The following IDUA variants were observed in gnomAD, a reference collection of about 807,000 sequenced individuals.
IDUA encodes alpha-L-iduronidase.
In IDUA, 65 loss-of-function variants were observed where a neutral mutation model predicts 68.9. The observed-to-expected ratio is 0.94, with a 90% CI of 0.77 to 1.16. The LOEUF (loss-of-function observed/expected upper bound fraction) is 1.16, where lower values mean the gene tolerates loss of function less well. Ranked by LOEUF, IDUA falls within the 50% of genes most tolerant of loss-of-function variation. The pLI, the probability that IDUA is intolerant of heterozygous loss-of-function variation, is 0.00. For missense variants in IDUA, 1,046 were observed against 938.0 expected (o/e 1.12, Z -1.50); for synonymous variants, 529 against 433.6 (o/e 1.22, Z -2.73).
At chr4:990,491 G>A (rs1029512954) in intron 2 of IDUA, 1 of 944,014 alleles carries the variant, frequency 1.1e-6, no homozygotes, top group Non-Finnish European at 1.5e-6. Flanking sequence ...GCGGCCCCGT[G>A]TGTTCCAAAC....
chr4:1,004,452 A>C lies in IDUA; in HGVS notation c.*59A>C, dbSNP rs733349. 2.4e-5 allele frequency: 37 copies of C among 1,571,704 alleles called. No individual in the cohort carries two copies. The highest frequency in any genetic ancestry group is 2.2e-4 in the African/African-American group (16 of 74,310). On this transcript the variant is annotated 3_prime_UTR_variant, in exon 14 of 14. Coordinates refer to ENST00000514224, the MANE Select transcript of IDUA (RefSeq NM_000203.5). This position sits in a 1 kb window ranked among gnomAD's most constrained non-coding sequence, Gnocchi z 5.0. ...CCGGCAGTCAGCGAGCTGGGGCTGCACTGTGCCCATGCTGCCCTCCCATCA... is the reference window on the plus strand; with the variant it reads ...CCGGCAGTCAGCGAGCTGGGGCTGCCCTGTGCCCATGCTGCCCTCCCATCA...
At chr4:1,002,587 G>T (rs558808239) in intron 8 of IDUA, 102 bp downstream of exon 8, 1 of 1,240,580 alleles carries the variant, frequency 8.1e-7, no homozygotes. Context: ...CCAGCCGCGC[G>T]CTTCCCGGGG....
Position 987,857 on chromosome 4 carries a change from C to T in IDUA, c.207C>T (p.Asp69=). ...SQADQYVLSW[D]QQLNLAYVGA... The stretch of plus-strand genomic sequence containing the variant: ...CTGACCAGTACGTCCTCAGCTGGGA[C>T]CAGCAGCTCAACCTCGCCTATGTGG... The change falls in exon 2 of 14, where the codon GAC becomes GAT. Residue 69 remains aspartate (D), a synonymous_variant. Coordinates refer to ENST00000514224, the MANE Select transcript of IDUA (RefSeq NM_000203.5). The T allele has an allele frequency of 1.2e-6, 2 of 1,612,476 alleles. No homozygotes were observed. The highest frequency in any genetic ancestry group is 1.7e-6 in the Non-Finnish European group (2 of 1,179,858).
chr4:999,234 C>T (rs1381748583), intron 2 of IDUA, among the ~76,000 whole-genome samples: 1 of 151,892 alleles, frequency 6.6e-6, no homozygotes, highest in Non-Finnish European at 1.5e-5. Flanking sequence ...AAGAAAAATG[C>T]CCTGGCACTG....
chr4:1,001,696 G>C lies in IDUA; in HGVS notation c.607G>C (p.Asp203His). ...CGGCCCAGGCTTCCTGAACTACTACGATGCCTGCTCGGAGGGTCTGCGCGC... is the reference window on the plus strand; with the variant it reads ...CGGCCCAGGCTTCCTGAACTACTACCATGCCTGCTCGGAGGGTCTGCGCGC... ...MTMQGFLNYY[D>H]ACSEGLRAAS... Residue 203 changes from aspartate (D) to histidine (H), a missense_variant, in exon 6 of 14, where the codon GAT becomes CAT. By Grantham distance (81) the Asp-to-His change is moderately conservative. Transcript: ENST00000514224. The C allele has an allele frequency of 3.7e-6, 6 of 1,600,568 alleles. No homozygotes were observed. The highest frequency in any genetic ancestry group is 5.1e-6 in the Non-Finnish European group (6 of 1,179,000).
At chr4:987,003 T>G (rs1412324874), upstream of IDUA, 12 of 1,092,852 alleles carry the variant, frequency 1.1e-5, no homozygotes, top group Admixed American at 7.6e-5. Context: ...GGCGGTCACA[T>G]GGGGTGCGCG....
rs1448964086 is a variant in IDUA at position 1,004,125 on chromosome 4, C to T, written c.1828+13C>T. 1 of 1,612,400 alleles carries T rather than the reference C, an allele frequency of 6.2e-7. No homozygotes were observed. Among genetic ancestry groups the T allele is most frequent in the Non-Finnish European group, 8.5e-7 (1 of 1,179,404 alleles). ...GTGTTCAGCCCAGGTGCGCCCACCA[C>T]CCGCTGCCCTGGACTCGGCCACCCC... On this transcript the variant is annotated intron_variant, in intron 13 of 13. Transcript: ENST00000514224. The surrounding 1 kb of genome is among the most constrained non-coding windows in gnomAD (Gnocchi z 5.0).
At chr4:989,063 C>A in intron 2 of IDUA, 1 of 1,587,774 alleles carries the variant, frequency 6.3e-7, no homozygotes. Flanking sequence ...GTGCTCACAC[C>A]GGCTGCGTCT....
chr4:988,696 G>A, intron 2 of IDUA: 7 of 1,412,404 alleles, frequency 5.0e-6, no homozygotes, highest in African/African-American at 1.4e-5. Context: ...GGGTTCCCCG[G>A]TTTCCCCAGG....
chr4:989,882 C>A, intron 2 of IDUA: 1 of 1,571,532 alleles, frequency 6.4e-7, no homozygotes. Context: ...GAGAAGGCGG[C>A]AGCCACGAGG....
At position 1,004,461 on chromosome 4, in the gene IDUA, A is replaced by G; in HGVS notation, c.*68A>G. 6.7e-7 allele frequency: 1 copy of G among 1,499,254 alleles called. No homozygotes were observed. Among genetic ancestry groups the G allele is most frequent in the Non-Finnish European group, 9.2e-7 (1 of 1,087,390 alleles). 92.9% of individuals were successfully genotyped at this position (1,499,254 alleles called of 1,614,324 possible). A position where few individuals can be genotyped will look rare whatever the true frequency, so the allele number is the denominator to read the frequency against. ...AGCGAGCTGGGGCTGCACTGTGCCC[A>G]TGCTGCCCTCCCATCACCCCCTTTG... On this transcript the variant is annotated 3_prime_UTR_variant, in exon 14 of 14. Coordinates refer to ENST00000514224, the MANE Select transcript of IDUA (RefSeq NM_000203.5). This position sits in a 1 kb window ranked among gnomAD's most constrained non-coding sequence, Gnocchi z 5.0.
intron 10 of IDUA, 27 bp downstream of exon 10, chr4:1,003,184 G>A (rs1482935643): frequency 1.1e-5 from 15 of 1,313,300 alleles, no homozygotes; most frequent in Non-Finnish European, 1.4e-5. Flanking sequence ...GGGGCGAGGG[G>A]CCGGGCCGGG....
At position 1,001,982 on chromosome 4, in the gene IDUA, G is replaced by C. The variant is rs369090960; in HGVS notation, c.793G>C (p.Gly265Arg). The C allele has an allele frequency of 7.0e-6, 11 of 1,581,410 alleles. No homozygotes were observed. The highest frequency in any genetic ancestry group is 1.3e-5 in the African/African-American group (1 of 74,596). The change falls in exon 7 of 14, where the codon GGT becomes CGT. Residue 265 changes from glycine to arginine, a missense_variant and splice_region_variant. Physicochemically the swap from Gly to Arg is moderately radical, Grantham distance 125. Transcript: ENST00000514224. Reference sequence around the variant, plus strand: ...GGTGCTGAGGCGGCCCCGCCCGCAGGGTGCGCGCAGCTCCATCTCCATCCT... The same window carrying C: ...GGTGCTGAGGCGGCCCCGCCCGCAGCGTGCGCGCAGCTCCATCTCCATCCT... ...RLDYISLHRK[G>R]ARSSISILEQ...
chr4:992,163 A>G (rs751096765), intron 2 of IDUA: 1 of 466,494 alleles, frequency 2.1e-6, no homozygotes, highest in Admixed American at 2.3e-5. Flanking sequence ...AGAATGTCAC[A>G]GTCACTGGAC....
intron 2 of IDUA, among the ~76,000 whole-genome samples, chr4:997,421 C>T (rs1054412519): frequency 6.7e-6 from 1 of 150,158 alleles, no homozygotes; most frequent in Non-Finnish European, 1.5e-5. Flanking sequence ...CCCATGCACG[C>T]GCGGCCCCGC....
At position 1,002,893 on chromosome 4, in the gene IDUA, A is replaced by C; in HGVS notation, c.1351A>C (p.Asn451His). Reference protein sequence around the residue: ...YASDDTRAHPNRSVAVTLRLR... With the variant: ...YASDDTRAHPHRSVAVTLRLR... ...GAGCGACGACACCCGCGCCCACCCC[A>C]ACCGCAGCGTCGCGGTGACCCTGCG... is the stretch of plus-strand genomic sequence containing the variant. The change falls in exon 9 of 14, where the codon AAC becomes CAC. Residue 451 changes from asparagine to histidine, a missense_variant. Coordinates refer to ENST00000514224, the MANE Select transcript of IDUA (RefSeq NM_000203.5). The C allele has an allele frequency of 7.0e-6, 10 of 1,422,698 alleles. No individual in the cohort carries two copies. Among genetic ancestry groups the C allele is most frequent in the Non-Finnish European group, 9.1e-6 (10 of 1,094,408 alleles). 88.1% of individuals were successfully genotyped at this position (1,422,698 alleles called of 1,614,324 possible).
chr4:990,537 G>C (rs1714204957), intron 2 of IDUA: 14 of 635,574 alleles, frequency 2.2e-5, no homozygotes, highest in Non-Finnish European at 3.8e-5. Context: ...CTGGTTCCAC[G>C]CGTGCTCATG....
intron 2 of IDUA, among the ~76,000 whole-genome samples, chr4:999,125 A>G (rs1194426182): frequency 6.6e-6 from 1 of 151,920 alleles, no homozygotes; most frequent in African/African-American, 2.4e-5. Context: ...GAATGGTGTG[A>G]ACCCGGGAGG....
Position 997,107 on chromosome 4 carries a change from G to A in IDUA, c.300-3505G>A, listed in dbSNP as rs528398700. 9.9e-5 allele frequency among the ~76,000 whole-genome samples: 15 copies of A among 152,276 alleles called. 1 individual carries two copies. In the East Asian group the frequency reaches 2.9e-3, roughly 29 times the overall value. ...CCTTGCATCCTTGCCTCCCACCCGTGGGAAGAAGCCCGGCCGACAGGGCTT... is the reference window on the plus strand; with the variant it reads ...CCTTGCATCCTTGCCTCCCACCCGTAGGAAGAAGCCCGGCCGACAGGGCTT... On this transcript the variant is annotated intron_variant, in intron 2 of 13. Coordinates refer to ENST00000514224, the MANE Select transcript of IDUA (RefSeq NM_000203.5).
Sources: gnomAD v4.1 joint callset for allele counts (sites outside exome capture counted in the v4.1 genomes callset) on GRCh38, gnomAD v4.1.1 for gene constraint, Gnocchi (gnomAD v3.1) non-coding constraint, MANE v1.5 for transcripts, NCBI Gene and HGNC (gene_info 2026-07-23, HGNC 2026-07-21) for gene names.